Variants in ACOX3 observed in about 807,000 individuals in gnomAD.
The protein encoded by ACOX3 is peroxisomal acyl-coenzyme A oxidase 3.
ACOX3 carries 73 observed loss-of-function variants against 81.5 expected under a neutral mutation model. The observed-to-expected ratio is 0.90, with a 90% CI of 0.74 to 1.09. ACOX3 has a LOEUF of 1.09. Among genes scored for constraint, ACOX3 ranks in the 50% least tolerant of loss-of-function variants. The probability of loss-of-function intolerance (pLI) is 0.00; values close to 1 mark genes in which losing one functional copy is unlikely to be tolerated. For missense variants in ACOX3, 947 were observed against 928.0 expected, an observed-to-expected ratio of 1.02 and a Z score of -0.27; for synonymous variants, 387 against 375.1, an observed-to-expected ratio of 1.03 and a Z score of -0.37.
At chr4:8,383,480 C>A (rs1218752184) in intron 13 of ACOX3, among the ~76,000 whole-genome samples, 2 of 152,200 alleles carry the variant, frequency 1.3e-5, no homozygotes, top group African/African-American at 2.4e-5. Flanking sequence ...GCAGAGACAG[C>A]AAAGTCACAG....
intron 5 of ACOX3, among the ~76,000 whole-genome samples, chr4:8,411,537 T>C (rs1721726081): frequency 6.6e-6 from 1 of 152,154 alleles, no homozygotes; most frequent in Non-Finnish European, 1.5e-5. Context: ...CCCTCCCCAT[T>C]CATTCTTCAG....
At position 8,389,032 on chromosome 4, in the gene ACOX3, C is replaced by T. The variant is rs561005991; in HGVS notation, c.1537+141G>A. The T allele has an allele frequency of 3.8e-5, 25 of 657,362 alleles. No individual in the cohort carries two copies. Among genetic ancestry groups the T allele is most frequent in the Admixed American group, 2.8e-4 (11 of 39,422 alleles). The allele number at this position is 657,362 out of a possible 1,614,324, so 40.7% of individuals were successfully genotyped here. A position where few individuals can be genotyped will look rare whatever the true frequency, so the allele number is the denominator to read the frequency against. On this transcript the variant is annotated intron_variant, in intron 13 of 17. Transcript: ENST00000356406. The surrounding 1 kb of genome is among the most constrained non-coding windows in gnomAD (Gnocchi z 5.3). ...AGATAGTCCATGAGCCAGCCCAGGA[C>T]AAGCTGCATGCGGGGCCTCCCACCA...
At chr4:8,365,036 C>T (rs1040565341), downstream of ACOX3, among the ~76,000 whole-genome samples, 7 of 152,066 alleles carry the variant, frequency 4.6e-5, no homozygotes, top group African/African-American at 1.7e-4. Context: ...AGGAGCCGTC[C>T]ACACACACAC....
chr4:8,360,050 G>T, the ACOX3 span, among the ~76,000 whole-genome samples: 11,654 of 152,214 alleles, frequency 0.077, 1,093 homozygotes, highest in African/African-American at 0.23. Flanking sequence ...TTTGCTGCAG[G>T]TCCCTCAAAA....
At chr4:8,375,557 G>T (rs116697832) in intron 14 of ACOX3, among the ~76,000 whole-genome samples, 1 of 152,216 alleles carries the variant, frequency 6.6e-6, no homozygotes, top group Non-Finnish European at 1.5e-5. Flanking sequence ...AAGACACAGA[G>T]GAGCTGGAGA....
Position 8,375,166 on chromosome 4 carries a change from C to T in ACOX3, c.1654-14G>A, listed in dbSNP as rs555846378. 80 of 1,526,344 alleles carry T rather than the reference C, an allele frequency of 5.2e-5. No homozygotes were observed. The African/African-American group carries it at 8.8e-4, about 17-fold the overall frequency. 94.6% of individuals were successfully genotyped at this position (1,526,344 alleles called of 1,614,324 possible). A position where few individuals can be genotyped will look rare whatever the true frequency, so the allele number is the denominator to read the frequency against. The stretch of plus-strand genomic sequence containing the variant: ...GCCGTGGGACACCTGGAACACAGGA[C>T]GGCACCGTGAGGACCGTGAGGGTCC... On this transcript the variant is annotated splice_polypyrimidine_tract_variant and intron_variant, in intron 14 of 17. Transcript: ENST00000356406.
chr4:8,395,183 G>T (rs1045708502), intron 9 of ACOX3, among the ~76,000 whole-genome samples: 1 of 144,512 alleles, frequency 6.9e-6, no homozygotes, highest in Non-Finnish European at 1.5e-5. Context: ...GCAGCCCCTC[G>T]AAAGGCTGAG....
In ACOX3 at chr4:8,381,401, A is replaced by G; in HGVS notation, c.1653+91T>C. On this transcript the variant is annotated intron_variant, in intron 14 of 17. Transcript: ENST00000356406. The surrounding 1 kb of genome is among the most constrained non-coding windows in gnomAD (Gnocchi z 4.3). ...ACGGGAGCTCGGGGTCTGGGGCCTG[A>G]ATTGCCAGGATGTTCAAACTCCCAG... 8.2e-7 allele frequency: 1 copy of G among 1,212,280 alleles called. No homozygotes were observed. Among genetic ancestry groups the G allele is most frequent in the Non-Finnish European group, 1.2e-6 (1 of 841,784 alleles). 75.1% of individuals were successfully genotyped at this position (1,212,280 alleles called of 1,614,324 possible).
At position 8,426,036 on chromosome 4, in the gene ACOX3, T is replaced by C. The variant is rs558153037; in HGVS notation, c.-14-9501A>G. 4.9e-4 allele frequency among the ~76,000 whole-genome samples: 75 copies of C among 152,226 alleles called. No individual in the cohort carries two copies. In the South Asian group the frequency reaches 0.016, roughly 32 times the overall value. ...CTGTTGCCCATAGCCTTATTAAGAATACAAAACTCCCCCCAAAAAGCAGGA... is the reference window on the plus strand; with the variant it reads ...CTGTTGCCCATAGCCTTATTAAGAACACAAAACTCCCCCCAAAAAGCAGGA... On this transcript the variant is annotated intron_variant, in intron 1 of 17. Transcript: ENST00000356406.
chr4:8,434,558 G>C (rs1724122173), intron 1 of ACOX3, among the ~76,000 whole-genome samples: 1 of 152,262 alleles, frequency 6.6e-6, no homozygotes, highest in South Asian at 2.1e-4. Flanking sequence ...CCTCGTCAGA[G>C]TGGTGCATGG....
At position 8,394,485 on chromosome 4, in the gene ACOX3, G is replaced by T; in HGVS notation, c.1179+135C>A. On this transcript the variant is annotated intron_variant, in intron 10 of 17. Transcript: ENST00000356406. This position sits in a 1 kb window ranked among gnomAD's most constrained non-coding sequence, Gnocchi z 5.9. ...GGCAGAGGCCAAGAGCTCCGAGTGG[G>T]TGGGAACAACTGGAGGAATGCTCTG... 1 of 1,371,342 alleles carries T rather than the reference G, an allele frequency of 7.3e-7. No individual in the cohort carries two copies. Among genetic ancestry groups the T allele is most frequent in the Non-Finnish European group, 9.7e-7 (1 of 1,030,156 alleles). 84.9% of individuals were successfully genotyped at this position (1,371,342 alleles called of 1,614,324 possible).
In ACOX3 at chr4:8,381,501, G is replaced by A; in HGVS notation, c.1644C>T (p.Asn548=). ...GAAAACAAATACTTACCTGGCATTTGTTCCTTGCTTCAAAGTCACTGCTTC... is the reference window on the plus strand; with the variant it reads ...GAAAACAAATACTTACCTGGCATTTATTCCTTGCTTCAAAGTCACTGCTTC... ...RSGSSDFEAR[N]KCQVSHGRPL... The change falls in exon 14 of 18, where the codon AAC becomes AAT. Residue 548 remains asparagine (N), a synonymous_variant. Transcript: ENST00000356406. The surrounding 1 kb of genome is among the most constrained non-coding windows in gnomAD (Gnocchi z 4.3). 1.9e-6 allele frequency: 3 copies of A among 1,612,712 alleles called. No individual in the cohort carries two copies. Among genetic ancestry groups the A allele is most frequent in the South Asian group, 1.1e-5 (1 of 90,914 alleles).
At chr4:8,411,997 A>G (rs1304732926) in intron 5 of ACOX3, among the ~76,000 whole-genome samples, 1 of 152,118 alleles carries the variant, frequency 6.6e-6, no homozygotes, top group Admixed American at 6.6e-5. Context: ...TGCCAAAAAG[A>G]AGGAGGTGGA....
chr4:8,394,496 T>C lies in ACOX3; in HGVS notation c.1179+124A>G, dbSNP rs935326413. 1.4e-5 allele frequency: 20 copies of C among 1,423,748 alleles called. No homozygotes were observed. The highest frequency in any genetic ancestry group is 1.6e-5 in the Non-Finnish European group (17 of 1,070,364). 88.2% of individuals were successfully genotyped at this position (1,423,748 alleles called of 1,614,324 possible). ...AGAGCTCCGAGTGGGTGGGAACAACTGGAGGAATGCTCTGTCCTCGCAAAT... is the reference window on the plus strand; with the variant it reads ...AGAGCTCCGAGTGGGTGGGAACAACCGGAGGAATGCTCTGTCCTCGCAAAT... On this transcript the variant is annotated intron_variant, in intron 10 of 17. Transcript: ENST00000356406. The surrounding 1 kb of genome is among the most constrained non-coding windows in gnomAD (Gnocchi z 5.9).
At position 8,414,170 on chromosome 4, in the gene ACOX3, A is replaced by T; in HGVS notation, c.543+122T>A. 1 of 820,050 alleles carries T rather than the reference A, an allele frequency of 1.2e-6. No individual in the cohort carries two copies. The highest frequency in any genetic ancestry group is 2.0e-6 in the Non-Finnish European group (1 of 494,078). 50.8% of individuals were successfully genotyped at this position (820,050 alleles called of 1,614,324 possible). On this transcript the variant is annotated intron_variant, in intron 5 of 17. Transcript: ENST00000356406. The surrounding 1 kb of genome is among the most constrained non-coding windows in gnomAD (Gnocchi z 6.1). Reference sequence around the variant, plus strand: ...TGAATCTCAGTGGGTATTTCTACACAAGTGTATGTGGACAGGCCTCTTGCT... The same window carrying T: ...TGAATCTCAGTGGGTATTTCTACACTAGTGTATGTGGACAGGCCTCTTGCT...
rs992904936 is a variant in ACOX3 at position 8,389,518 on chromosome 4, C to T, written c.1423+94G>A. 7 of 1,561,748 alleles carry T rather than the reference C, an allele frequency of 4.5e-6. No homozygotes were observed. The African/African-American group carries it at 9.5e-5, about 21-fold the overall frequency. On this transcript the variant is annotated intron_variant, in intron 12 of 17. Coordinates refer to ENST00000356406, the MANE Select transcript of ACOX3 (RefSeq NM_003501.3). This position sits in a 1 kb window ranked among gnomAD's most constrained non-coding sequence, Gnocchi z 5.3. ...TCTTTCCTTCTGCAAACCTAGGATG[C>T]ATTCACAGAACAGCTGAATCAGTGA...
At position 8,370,520 on chromosome 4, in the gene ACOX3, G is replaced by A. The variant is rs534204745; in HGVS notation, c.1983+388C>T. On this transcript the variant is annotated intron_variant, in intron 17 of 17. Transcript: ENST00000356406. The surrounding 1 kb of genome is among the most constrained non-coding windows in gnomAD (Gnocchi z 6.3). ...GAGGGGCCTGGGGATTCCAGGACAG[G>A]GATGGGGGAAGAGGCCTGCAGGGCC... Among the ~76,000 whole-genome samples the A allele has an allele frequency of 1.3e-5, 2 of 149,430 alleles. No individual in the cohort carries two copies. The highest frequency in any genetic ancestry group is 5.1e-5 in the African/African-American group (2 of 39,232).
Position 8,389,350 on chromosome 4 carries a change from C to A in ACOX3, c.1424-64G>T, listed in dbSNP as rs1265521259. The A allele has an allele frequency of 1.3e-6, 2 of 1,495,222 alleles. No homozygotes were observed. Among genetic ancestry groups the A allele is most frequent in the Non-Finnish European group, 1.8e-6 (2 of 1,092,056 alleles). 92.6% of individuals were successfully genotyped at this position (1,495,222 alleles called of 1,614,324 possible). On this transcript the variant is annotated intron_variant, in intron 12 of 17. Transcript: ENST00000356406. This position sits in a 1 kb window ranked among gnomAD's most constrained non-coding sequence, Gnocchi z 5.3. ...AACCCAAACCATTGGGAACCCCAAG[C>A]TGGGGGCACCCCAAAGCACAGAGAG...
chr4:8,372,702 C>T (rs911805391), intron 16 of ACOX3, among the ~76,000 whole-genome samples: 12 of 152,350 alleles, frequency 7.9e-5, no homozygotes, highest in Middle Eastern at 3.4e-3. Context: ...GTCACAGGGA[C>T]GTTCCACTGG....
Sources: gnomAD v4.1 joint callset for allele counts (sites outside exome capture counted in the v4.1 genomes callset) on GRCh38, gnomAD v4.1.1 for gene constraint, Gnocchi (gnomAD v3.1) non-coding constraint, MANE v1.5 for transcripts, NCBI Gene and HGNC (gene_info 2026-07-23, HGNC 2026-07-21) for gene names.